ZFP64: variants seen among roughly 807,000 people sequenced by gnomAD.
The protein encoded by ZFP64 is ZFP64 zinc finger protein, also known as zinc finger protein 64.
ZFP64 carries 14 observed loss-of-function variants against 51.6 expected under a neutral mutation model. The observed-to-expected ratio is 0.27, with a 90% CI of 0.18 to 0.42. ZFP64 has a LOEUF of 0.42. Among genes scored for constraint, ZFP64 ranks in the 10% least tolerant of loss-of-function variants. The probability of loss-of-function intolerance (pLI) is 1.00; values close to 1 mark genes in which losing one functional copy is unlikely to be tolerated. For synonymous variants in ZFP64, 375 were observed against 361.4 expected (o/e 1.04, Z -0.43); for missense variants, 754 against 906.8 (o/e 0.83, Z 2.16).
At chr20:52,099,005 CAA>C (rs58670484) in intron 5 of ZFP64, among the ~76,000 whole-genome samples, 19 of 116,594 alleles carry the variant, frequency 1.6e-4, no homozygotes, top group Admixed American at 1.8e-4. Context: ...CTGTCTTTAC[CAA>C]AAAAAAAAAA....
chr20:52,153,078 T>C lies in ZFP64; in HGVS notation c.1114A>G (p.Lys372Glu). 6.2e-7 allele frequency: 1 copy of C among 1,614,174 alleles called. No individual in the cohort carries two copies. The highest frequency in any genetic ancestry group is 8.5e-7 in the Non-Finnish European group (1 of 1,180,048). Residue 372 changes from lysine (K) to glutamate (E), a missense_variant, in exon 6 of 6, where the codon AAG (lysine) becomes GAG (glutamate). This residue lies in a region of ZFP64 where 428 missense variants were observed against 472.4 expected (regional missense o/e 0.91). Transcript: ENST00000216923. The surrounding 1 kb of genome is among the most constrained non-coding windows in gnomAD (Gnocchi z 5.1). ...GTGTCGAAGCTGCAGTAGTTGCACT[T>C]GAAAGGGCGGTCGGTGCAGTGGATA... The part of the protein sequence containing the change: ...ERIHCTDRPF[K>E]CNYCSFDTKQ...
intron 5 of ZFP64, among the ~76,000 whole-genome samples, chr20:52,125,739 C>A (rs1979416689): frequency 6.6e-6 from 1 of 152,132 alleles, no homozygotes; most frequent in Non-Finnish European, 1.5e-5. Context: ...GAGGTTGGAC[C>A]TGAGCAGCCC....
At chr20:52,088,914 G>C in intron 7 of ZFP64, 1 of 620,676 alleles carries the variant, frequency 1.6e-6, no homozygotes, top group South Asian at 1.4e-5. Flanking sequence ...AATGGCAGTG[G>C]TTATAGAAGT....
At position 52,154,039 on chromosome 20, in the gene ZFP64, A is replaced by T. The variant is rs547729992; in HGVS notation, c.764-611T>A. Among the ~76,000 whole-genome samples the T allele has an allele frequency of 1.9e-3, 283 of 151,780 alleles. 1 individual carries two copies. The highest frequency in any genetic ancestry group is 4.6e-3 in the East Asian group (24 of 5,176). Reference sequence around the variant, plus strand: ...AAAATCCAGCTGCTTGATTTTTTTTAAAAAAAATTCATATTCGCTGAAAGA... The same window carrying T: ...AAAATCCAGCTGCTTGATTTTTTTTTAAAAAAATTCATATTCGCTGAAAGA... On this transcript the variant is annotated intron_variant, in intron 5 of 5. Coordinates refer to ENST00000216923, the MANE Select transcript of ZFP64 (RefSeq NM_018197.3).
Position 52,165,899 on chromosome 20 carries a change from G to A in ZFP64, c.413C>T (p.Pro138Leu). Residue 138 changes from proline to leucine, a missense_variant, in exon 3 of 6, where the codon CCA becomes CTA. Physicochemically the swap from Pro to Leu is moderately conservative, Grantham distance 98 (BLOSUM62 -3). Coordinates refer to ENST00000216923, the MANE Select transcript of ZFP64 (RefSeq NM_018197.3). Reference sequence around the variant, plus strand: ...ACAGTTAAGCCTTTTCTGAGCAGGTGGTGTTGTGGGCTTTTTGGTGCGTGA... The same window carrying A: ...ACAGTTAAGCCTTTTCTGAGCAGGTAGTGTTGTGGGCTTTTTGGTGCGTGA... ...AKSRTKKPTTPPAQKRLNCCY... is the reference protein window; with the variant it reads ...AKSRTKKPTTLPAQKRLNCCY... The A allele has an allele frequency of 6.2e-7, 1 of 1,614,126 alleles. No individual in the cohort carries two copies. Among genetic ancestry groups the A allele is most frequent in the Admixed American group, 1.7e-5 (1 of 60,010 alleles).
chr20:52,185,564 C>A (rs1327838657), intron 2 of ZFP64, among the ~76,000 whole-genome samples: 3 of 148,702 alleles, frequency 2.0e-5, no homozygotes, highest in Admixed American at 6.9e-5. Context: ...CATCCACTGA[C>A]CTTTCCACTT....
chr20:52,141,688 C>T (rs555679089), intron 5 of ZFP64, among the ~76,000 whole-genome samples: 3 of 152,210 alleles, frequency 2.0e-5, no homozygotes, highest in Admixed American at 6.5e-5. Context: ...GAGATAGAAT[C>T]GACTCCTGGT....
At chr20:52,101,213 C>T (rs538032560) in intron 5 of ZFP64, among the ~76,000 whole-genome samples, 6 of 152,296 alleles carry the variant, frequency 3.9e-5, no homozygotes, top group African/African-American at 1.4e-4. Context: ...GTCCTACTCC[C>T]AATGTTTCTT....
At chr20:52,140,542 G>T (rs36120379) in intron 5 of ZFP64, among the ~76,000 whole-genome samples, 4,581 of 152,302 alleles carry the variant, frequency 0.03, 106 homozygotes, top group Non-Finnish European at 0.05. Context: ...CCAGAGCAAG[G>T]ACCTAACTCC....
chr20:52,166,092 T>C, intron 2 of ZFP64, 67 bp from the exon 3 acceptor site: 1 of 1,489,336 alleles, frequency 6.7e-7, no homozygotes, highest in South Asian at 1.4e-5. Flanking sequence ...TCTGCCTACT[T>C]TCCTTTGTAG....
Position 52,084,831 on chromosome 20 carries a change from C to T in ZFP64, c.1664G>A (p.Arg555Gln), listed in dbSNP as rs61734611. 1,720 of 1,614,060 alleles carry T rather than the reference C, an allele frequency of 1.1e-3. 18 individuals are homozygous for T. The African/African-American group carries it at 0.019, about 18-fold the overall frequency. Residue 555 changes from arginine (R) to glutamine (Q), a missense_variant, in exon 9 of 9, where the codon CGG (arginine) becomes CAG (glutamine). Transcript: ENST00000361387. The stretch of plus-strand genomic sequence containing the variant: ...GAGCCCTTCCTTGCCCAGAGGGGCC[C>T]GGTTCTCCGTCTTGGCCTCGTCCCT...
chr20:52,185,760 T>C (rs1983918729), intron 2 of ZFP64, among the ~76,000 whole-genome samples: 1 of 152,008 alleles, frequency 6.6e-6, no homozygotes, highest in Non-Finnish European at 1.5e-5. Context: ...TTTGTATTTT[T>C]AGTAGAGACA....
At chr20:52,185,568 T>C (rs764581341) in intron 2 of ZFP64, among the ~76,000 whole-genome samples, 4 of 118,242 alleles carry the variant, frequency 3.4e-5, no homozygotes, top group Non-Finnish European at 6.9e-5. Flanking sequence ...CACTGACCTT[T>C]CCACTTTGCA....
In ZFP64 at chr20:52,160,255, C is replaced by T. The variant is rs765821887; in HGVS notation, c.631G>A (p.Ala211Thr). The T allele has an allele frequency of 1.2e-5, 19 of 1,613,978 alleles. No homozygotes were observed. The Admixed American group carries it at 1.8e-4, about 16-fold the overall frequency. ...KPYKCKTCDY[A>T]AADSSSLNKH... ...TTGAGGCTGCTGCTGTCGGCAGCGG[C>T]GTAGTCACACGTCTTACACTTGTAG... The change falls in exon 5 of 6, where the codon GCC (alanine) becomes ACC (threonine). Residue 211 changes from alanine to threonine, a missense_variant. Coordinates refer to ENST00000216923, the MANE Select transcript of ZFP64 (RefSeq NM_018197.3). The surrounding 1 kb of genome is among the most constrained non-coding windows in gnomAD (Gnocchi z 4.2).
intron 2 of ZFP64, among the ~76,000 whole-genome samples, chr20:52,170,633 C>T (rs1366072942): frequency 3.3e-5 from 5 of 152,204 alleles, no homozygotes; most frequent in Non-Finnish European, 7.3e-5. Flanking sequence ...AGTTTCTTTA[C>T]CTGGAGAATG....
chr20:52,119,887 G>A (rs1356319285), intron 5 of ZFP64, among the ~76,000 whole-genome samples: 1 of 152,088 alleles, frequency 6.6e-6, no homozygotes. Context: ...GAGGAGGTGT[G>A]AAGGGTTTCA....
Position 52,151,996 on chromosome 20 carries a change from C to T in ZFP64, c.*150G>A. The T allele has an allele frequency of 7.0e-7, 1 of 1,420,706 alleles. No homozygotes were observed. Among genetic ancestry groups the T allele is most frequent in the Non-Finnish European group, 9.2e-7 (1 of 1,086,114 alleles). 88.0% of individuals were successfully genotyped at this position (1,420,706 alleles called of 1,614,324 possible). A position where few individuals can be genotyped will look rare whatever the true frequency, so the allele number is the denominator to read the frequency against. ...ACGTTGCAGTGAGCCAAGATAGCGC[C>T]ACTGCACTCCAGCCTGGGAAACAGA... On this transcript the variant is annotated 3_prime_UTR_variant, in exon 6 of 6. Coordinates refer to ENST00000216923, the MANE Select transcript of ZFP64 (RefSeq NM_018197.3).
chr20:52,160,340 C>T lies in ZFP64; in HGVS notation c.546G>A (p.Lys182=), dbSNP rs146900610. 3.8e-4 allele frequency: 621 copies of T among 1,614,202 alleles called. 2 individuals are homozygous for T. The African/African-American group carries it at 6.3e-3, about 16-fold the overall frequency. The part of the protein sequence containing the change: ...DKPHKCEVCG[K]CFSRKDKLKT... ...TCAGCTTGTCTTTCCGGCTAAAGCACTTGCCACAGACTTCACACTTATGGG... is the reference window on the plus strand; with the variant it reads ...TCAGCTTGTCTTTCCGGCTAAAGCATTTGCCACAGACTTCACACTTATGGG... Residue 182 remains lysine, a synonymous_variant, in exon 5 of 6, where the codon AAG becomes AAA. Coordinates refer to ENST00000216923, the MANE Select transcript of ZFP64 (RefSeq NM_018197.3). This position sits in a 1 kb window ranked among gnomAD's most constrained non-coding sequence, Gnocchi z 4.2.
At chr20:52,180,306 T>C (rs1398324946) in intron 2 of ZFP64, among the ~76,000 whole-genome samples, 1 of 152,224 alleles carries the variant, frequency 6.6e-6, no homozygotes, top group East Asian at 1.9e-4. Flanking sequence ...TGGAATCGCA[T>C]TGGAATTCAC....
Sources: allele counts gnomAD v4.1 joint callset (sites outside exome capture counted in the v4.1 genomes callset), GRCh38; gene constraint gnomAD v4.1.1; regional missense constraint gnomAD v4.1.1; non-coding constraint Gnocchi (gnomAD v3.1); transcripts MANE v1.5; gene names NCBI Gene and HGNC (gene_info 2026-07-23, HGNC 2026-07-21).